Variants in RNF217 observed in about 807,000 individuals in gnomAD.
RNF217 encodes the protein E3 ubiquitin-protein ligase RNF217.
Under a neutral mutation model 57.8 loss-of-function variants are expected in RNF217, and 31 were observed. The ratio of observed to expected loss-of-function variants is 0.54; its 90% CI spans 0.40 to 0.72. RNF217 has a LOEUF of 0.72. Among genes scored for constraint, RNF217 ranks in the 30% least tolerant of loss-of-function variants. RNF217 has a pLI of 0.00. For missense variants in RNF217, 696 were observed against 708.3 expected (o/e 0.98, Z 0.20); for synonymous variants, 313 against 294.0 (o/e 1.06, Z -0.66).
intron 1 of RNF217, among the ~76,000 whole-genome samples, chr6:124,991,557 G>A (rs371678257): frequency 2.0e-5 from 3 of 151,878 alleles, no homozygotes; most frequent in Non-Finnish European, 2.9e-5. Context: ...TTTTCTCCCC[G>A]CAAGGCTGTA....
chr6:125,068,029 A>G (rs189089671), intron 3 of RNF217, among the ~76,000 whole-genome samples: 62 of 152,300 alleles, frequency 4.1e-4, no homozygotes, highest in African/African-American at 1.5e-3. Flanking sequence ...AAACATGTTC[A>G]TTATATTTTG....
intron 3 of RNF217, among the ~76,000 whole-genome samples, chr6:125,070,824 G>A (rs1002427012): frequency 1.3e-5 from 2 of 152,130 alleles, no homozygotes; most frequent in Non-Finnish European, 2.9e-5. Flanking sequence ...TAGAGGTTAG[G>A]ATTTTATCTA....
intron 1 of RNF217, among the ~76,000 whole-genome samples, chr6:124,991,883 C>G (rs1421457382): frequency 1.3e-5 from 2 of 152,152 alleles, no homozygotes; most frequent in African/African-American, 4.8e-5. Flanking sequence ...TTTGACCACT[C>G]AGGTATAGCA....
chr6:125,048,698 G>A (rs1431985516), intron 2 of RNF217, among the ~76,000 whole-genome samples: 1 of 151,898 alleles, frequency 6.6e-6, no homozygotes, highest in African/African-American at 2.4e-5. Context: ...ATCATATATG[G>A]GGGTTTTAAT....
intron 1 of RNF217, among the ~76,000 whole-genome samples, chr6:124,981,466 G>C (rs1015320026): frequency 5.9e-5 from 9 of 152,116 alleles, no homozygotes; most frequent in Non-Finnish European, 2.9e-5. Context: ...GGTTTGGTTG[G>C]GGGGGCGGTG....
At chr6:125,054,355 G>T (rs1435950191) in intron 2 of RNF217, among the ~76,000 whole-genome samples, 4 of 152,162 alleles carry the variant, frequency 2.6e-5, no homozygotes, top group African/African-American at 9.7e-5. Context: ...AGCAGGAAGG[G>T]CAGGAAAATA....
chr6:125,087,869 T>G lies in RNF217; in HGVS notation c.*4932T>G, dbSNP rs1375496091. The G allele has an allele frequency of 6.6e-6, 1 of 152,048 alleles. No homozygotes were observed. The highest frequency in any genetic ancestry group is 1.5e-5 in the Non-Finnish European group (1 of 67,980). The allele number at this position is 152,048 out of a possible 1,614,324, so 9.4% of individuals were successfully genotyped here. A position where few individuals can be genotyped will look rare whatever the true frequency, so the allele number is the denominator to read the frequency against. On this transcript the variant is annotated 3_prime_UTR_variant, in exon 6 of 6. Coordinates refer to ENST00000521654, the MANE Select transcript of RNF217 (RefSeq NM_001286398.3). ...GCAATTTCATAATTCATGAATTCTA[T>G]AAAAGAAATCTCCCTCACTAAAAAT...
chr6:125,074,208 T>C (rs986464013), intron 3 of RNF217, among the ~76,000 whole-genome samples: 5 of 152,142 alleles, frequency 3.3e-5, no homozygotes, highest in Admixed American at 1.3e-4. Flanking sequence ...GCCTGTAATA[T>C]GCTGTGTTCC....
intron 1 of RNF217, among the ~76,000 whole-genome samples, chr6:125,009,718 C>G (rs2114347192): frequency 6.6e-6 from 1 of 152,108 alleles, no homozygotes; most frequent in Non-Finnish European, 1.5e-5. Flanking sequence ...CTTTGCTCTC[C>G]TAACTAGTAT....
intron 1 of RNF217, among the ~76,000 whole-genome samples, chr6:125,028,899 G>A (rs995094148): frequency 6.6e-6 from 1 of 151,706 alleles, no homozygotes; most frequent in Non-Finnish European, 1.5e-5. Context: ...ATCTTAGCTA[G>A]TTTTCTTAAG....
chr6:124,976,272 TCCCG>T (rs1266856199), intron 1 of RNF217, among the ~76,000 whole-genome samples: 2 of 58,520 alleles, frequency 3.4e-5, no homozygotes, highest in African/African-American at 1.4e-4. Context: ...CCTCCCTCCC[TCCCG>T]CTCTCTCTCC....
intron 2 of RNF217, among the ~76,000 whole-genome samples, chr6:125,046,243 A>G (rs1312351575): frequency 6.6e-6 from 1 of 152,074 alleles, no homozygotes; most frequent in Non-Finnish European, 1.5e-5. Flanking sequence ...GATCGGGCAG[A>G]TAAGAGCAGA....
intron 3 of RNF217, among the ~76,000 whole-genome samples, chr6:125,070,936 G>A (rs140100167): frequency 4.6e-5 from 7 of 152,276 alleles, no homozygotes; most frequent in Non-Finnish European, 1.0e-4. Flanking sequence ...TGAAACTGGA[G>A]ACAAATACTT....
At chr6:125,022,270 T>A (rs1397861261) in intron 1 of RNF217, among the ~76,000 whole-genome samples, 1 of 152,224 alleles carries the variant, frequency 6.6e-6, no homozygotes, top group East Asian at 1.9e-4. Context: ...CCTCAAAACA[T>A]GAAGAGATTA....
intron 1 of RNF217, among the ~76,000 whole-genome samples, chr6:124,978,624 G>A (rs1017308428): frequency 2.1e-4 from 32 of 152,102 alleles, no homozygotes; most frequent in Non-Finnish European, 1.5e-5. Flanking sequence ...TCTGACAAGC[G>A]GGAGTGTGCT....
intron 1 of RNF217, among the ~76,000 whole-genome samples, chr6:124,983,844 ATG>A (rs1016966162): frequency 1.4e-4 from 22 of 152,290 alleles, no homozygotes; most frequent in African/African-American, 5.1e-4. Context: ...TAATTTATAA[ATG>A]ACAGAAATTT....
intron 1 of RNF217, among the ~76,000 whole-genome samples, chr6:125,016,046 C>T (rs1208857053): frequency 6.6e-6 from 1 of 151,894 alleles, no homozygotes; most frequent in Non-Finnish European, 1.5e-5. Context: ...TAAGGAAGCC[C>T]ACGAATCTAA....
chr6:125,045,100 A>G (rs1464434098), intron 1 of RNF217, 111 bp from the exon 2 acceptor site: 4 of 675,428 alleles, frequency 5.9e-6, no homozygotes, highest in Admixed American at 2.9e-5. Context: ...TAAAAATTAC[A>G]CACAATCCTT....
chr6:125,016,164 A>G (rs1019636599), intron 1 of RNF217, among the ~76,000 whole-genome samples: 5 of 152,204 alleles, frequency 3.3e-5, no homozygotes, highest in Admixed American at 3.3e-4. Flanking sequence ...CAAACGTAAC[A>G]ACTTAATAAC....
Sources: gnomAD v4.1 joint callset for allele counts (sites outside exome capture counted in the v4.1 genomes callset) on GRCh38, gnomAD v4.1.1 for gene constraint, MANE v1.5 for transcripts, NCBI Gene and HGNC (gene_info 2026-07-23, HGNC 2026-07-21) for gene names.